Variants in ANKRD30BL observed in about 807,000 individuals in gnomAD.
The protein encoded by ANKRD30BL is ankyrin repeat domain 30B like.
In ANKRD30BL, 20 loss-of-function variants were observed where a neutral mutation model predicts 18.4. That is an observed-to-expected ratio of 1.09 (90% CI 0.77 to 1.58). The LOEUF (loss-of-function observed/expected upper bound fraction) is 1.58, where lower values mean the gene tolerates loss of function less well. Ranked by LOEUF, ANKRD30BL falls within the 40% of genes most tolerant of loss-of-function variation. The pLI, the probability that ANKRD30BL is intolerant of heterozygous loss-of-function variation, is 0.00. For synonymous variants in ANKRD30BL, 72 were observed against 100.9 expected, an observed-to-expected ratio of 0.71 and a Z score of 1.72; for missense variants, 224 against 268.6, an observed-to-expected ratio of 0.83 and a Z score of 1.16.
Position 132,214,713 on chromosome 2 carries a change from G to C in ANKRD30BL, n.441+42816C>G, listed in dbSNP as rs186783345. Among the ~76,000 whole-genome samples, 1,075 of 151,470 alleles carry C rather than the reference G, an allele frequency of 7.1e-3. 20 individuals are homozygous for C. Among genetic ancestry groups the C allele is most frequent in the East Asian group, 0.048 (244 of 5,134 alleles). On this transcript the variant is annotated intron_variant and non_coding_transcript_variant, in intron 1 of 4. Coordinates refer to the ANKRD30BL transcript ENST00000470729. ...CAGAAACATTCTGACAACTTTCTTT[G>C]CGATGTGTGCATTCATCTCACAGAG...
chr2:132,186,089 C>T (rs1190070666), intron 1 of ANKRD30BL, among the ~76,000 whole-genome samples: 1 of 150,582 alleles, frequency 6.6e-6, no homozygotes, highest in East Asian at 2.0e-4. Flanking sequence ...TGCAGTGAGC[C>T]ACTGCACTCC....
chr2:132,217,354 A>G (rs997698246), intron 1 of ANKRD30BL, among the ~76,000 whole-genome samples: 1 of 152,116 alleles, frequency 6.6e-6, no homozygotes, highest in Non-Finnish European at 1.5e-5. Flanking sequence ...TTGATAGAGC[A>G]GTTTTGAAAC....
chr2:132,224,899 A>C (rs111871629), intron 1 of ANKRD30BL, among the ~76,000 whole-genome samples: 12 of 152,018 alleles, frequency 7.9e-5, no homozygotes, highest in African/African-American at 2.9e-4. Flanking sequence ...CTTTTCATAG[A>C]GCAGGTTTGA....
intron 1 of ANKRD30BL, among the ~76,000 whole-genome samples, chr2:132,246,238 G>C (rs1573890544): frequency 6.6e-6 from 1 of 151,656 alleles, no homozygotes; most frequent in African/African-American, 2.4e-5. Flanking sequence ...CACTCTTTTT[G>C]TAGAATCTAT....
At chr2:132,181,077 G>A (rs1156409571) in intron 1 of ANKRD30BL, among the ~76,000 whole-genome samples, 3 of 152,086 alleles carry the variant, frequency 2.0e-5, no homozygotes, top group African/African-American at 4.8e-5. Flanking sequence ...CTGAGAGGCC[G>A]AAGTTGCAGT....
intron 1 of ANKRD30BL, among the ~76,000 whole-genome samples, chr2:132,188,713 A>AAAC (rs72500297): frequency 0.12 from 18,663 of 151,538 alleles, 2,102 homozygotes; most frequent in African/African-American, 0.3. Context: ...CTGTCTCAGA[A>AAAC]AACAACAACA....
chr2:132,231,535 A>G (rs529887736), intron 1 of ANKRD30BL, among the ~76,000 whole-genome samples: 32 of 152,320 alleles, frequency 2.1e-4, no homozygotes, highest in African/African-American at 7.2e-4. Flanking sequence ...GGGAAGCACA[A>G]GGGGTCAGGG....
intron 1 of ANKRD30BL, among the ~76,000 whole-genome samples, chr2:132,168,746 C>A (rs1007117330): frequency 1.3e-5 from 2 of 151,980 alleles, no homozygotes; most frequent in African/African-American, 4.8e-5. Context: ...TAGACACACA[C>A]AGAGAAAGTG....
intron 1 of ANKRD30BL, among the ~76,000 whole-genome samples, chr2:132,203,133 G>C (rs1363686072): frequency 3.8e-4 from 58 of 151,448 alleles, no homozygotes; most frequent in African/African-American, 1.4e-3. Context: ...AAACTTAAAA[G>C]GCAGGTGGAG....
chr2:132,222,564 G>A (rs957427553), intron 1 of ANKRD30BL, among the ~76,000 whole-genome samples: 85 of 152,158 alleles, frequency 5.6e-4, no homozygotes, highest in African/African-American at 1.9e-3. Flanking sequence ...TGAAACATGT[G>A]CTGTGTCCAC....
At chr2:132,245,840 A>G (rs1680484431) in intron 1 of ANKRD30BL, among the ~76,000 whole-genome samples, 2 of 151,904 alleles carry the variant, frequency 1.3e-5, no homozygotes, top group East Asian at 1.9e-4. Flanking sequence ...TGATGTTTGC[A>G]TTCATCTCCT....
intron 1 of ANKRD30BL, among the ~76,000 whole-genome samples, chr2:132,171,846 A>T (rs183423869): frequency 6.6e-6 from 1 of 152,162 alleles, no homozygotes; most frequent in Non-Finnish European, 1.5e-5. Context: ...TAATCATCCC[A>T]TATAGAAACT....
intron 1 of ANKRD30BL, among the ~76,000 whole-genome samples, chr2:132,228,563 G>T: frequency 6.6e-6 from 1 of 151,294 alleles, no homozygotes; most frequent in Non-Finnish European, 1.5e-5. Context: ...GTGGACATTT[G>T]GAGCGCTTTG....
chr2:132,252,682 C>A (rs796250532), intron 1 of ANKRD30BL, among the ~76,000 whole-genome samples: 3 of 152,106 alleles, frequency 2.0e-5, no homozygotes, highest in Non-Finnish European at 4.4e-5. Context: ...CGTGCTCCCC[C>A]ACCCTCTCCC....
chr2:132,221,556 C>T (rs1027056091), intron 1 of ANKRD30BL, among the ~76,000 whole-genome samples: 4 of 134,656 alleles, frequency 3.0e-5, no homozygotes, highest in South Asian at 4.7e-4. Flanking sequence ...GGGGGGTCAG[C>T]CCCCCGCCCG....
chr2:132,236,034 A>T (rs370332945), intron 1 of ANKRD30BL, among the ~76,000 whole-genome samples: 1 of 152,210 alleles, frequency 6.6e-6, no homozygotes, highest in African/African-American at 2.4e-5. Flanking sequence ...AAATAATGCC[A>T]CATATCCACA....
At chr2:132,253,488 ACAC>A (rs1573899524) in intron 1 of ANKRD30BL, among the ~76,000 whole-genome samples, 1 of 151,982 alleles carries the variant, frequency 6.6e-6, no homozygotes, top group Admixed American at 6.5e-5. Context: ...GCAAACGCTG[ACAC>A]CACCCCATGG....
chr2:132,167,485 G>C lies in ANKRD30BL; in HGVS notation n.442-10339C>G, dbSNP rs143983882. ...TTACAGATGTGTGCCACAACACCCA[G>C]CTAACTTTTGTATTTTTAATAGAGA... On this transcript the variant is annotated intron_variant and non_coding_transcript_variant, in intron 1 of 4. Coordinates refer to the ANKRD30BL transcript ENST00000470729. Among the ~76,000 whole-genome samples the C allele has an allele frequency of 7.3e-3, 1,105 of 152,118 alleles. 3 individuals are homozygous for C. The highest frequency in any genetic ancestry group is 0.01 in the Non-Finnish European group (707 of 68,006).
At chr2:132,161,378 C>G (rs1688052185) in intron 1 of ANKRD30BL, 110 bp downstream of exon 1, 2 of 1,104,564 alleles carry the variant, frequency 1.8e-6, no homozygotes, top group African/African-American at 3.1e-5. Context: ...GCCCGCCACT[C>G]CTCCACCTGC....
Sources: gnomAD v4.1 joint callset for allele counts (sites outside exome capture counted in the v4.1 genomes callset) on GRCh38, gnomAD v4.1.1 for gene constraint, MANE v1.5 for transcripts, NCBI Gene and HGNC (gene_info 2026-07-23, HGNC 2026-07-21) for gene names.